The following STUB1 variants were observed in gnomAD, a reference collection of about 807,000 sequenced individuals.
STUB1 encodes STIP1 homology and U-box containing protein 1.
In STUB1, 37 loss-of-function variants were observed where a neutral mutation model predicts 40.3. The ratio of observed to expected loss-of-function variants is 0.92; its 90% CI spans 0.71 to 1.21. STUB1 has a LOEUF of 1.21. Among genes scored for constraint, STUB1 ranks in the 50% most tolerant of loss-of-function variants. STUB1 has a pLI of 0.00. For missense variants in STUB1, 460 were observed against 421.9 expected (o/e 1.09, Z -0.79); for synonymous variants, 246 against 171.9 (o/e 1.43, Z -3.37).
In STUB1 at chr16:682,731, A is replaced by T; in HGVS notation, c.*242A>T. On this transcript the variant is annotated 3_prime_UTR_variant, in exon 7 of 7. Coordinates refer to ENST00000219548, the MANE Select transcript of STUB1 (RefSeq NM_005861.4). ...CATTGCCGCCACTATCTGTGTAATA[A>T]AATCCGTGAGCACGAGGTGGGACGT... 6.4e-7 allele frequency: 1 copy of T among 1,574,568 alleles called. No homozygotes were observed. Among genetic ancestry groups the T allele is most frequent in the Non-Finnish European group, 8.7e-7 (1 of 1,152,106 alleles).
In STUB1 at chr16:682,326, G is replaced by A. The variant is rs368200174; in HGVS notation, c.787-38G>A. The A allele has an allele frequency of 4.7e-5, 76 of 1,612,798 alleles. No individual in the cohort carries two copies. The African/African-American group carries it at 8.0e-4, about 17-fold the overall frequency. ...GAGCAGGGCCAGTGGCATGGTCCTGGGCCCCATGACTGCCCTCTGCCCTTC... is the reference window on the plus strand; with the variant it reads ...GAGCAGGGCCAGTGGCATGGTCCTGAGCCCCATGACTGCCCTCTGCCCTTC... On this transcript the variant is annotated intron_variant, in intron 6 of 6. Transcript: ENST00000219548.
At position 680,732 on chromosome 16, in the gene STUB1, G is replaced by GCCGGGC. The variant is rs997257833; in HGVS notation, c.159+59_159+64dup. On this transcript the variant is annotated intron_variant, in intron 1 of 6. Coordinates refer to ENST00000219548, the MANE Select transcript of STUB1 (RefSeq NM_005861.4). The surrounding 1 kb of genome is among the most constrained non-coding windows in gnomAD (Gnocchi z 4.9). ...GGCGGCGGCGGTGGCACCGGGGAGG[G>GCCGGGC]CCGGGCCCGGGCCCGGCCGGCCCCA... The GCCGGGC allele has an allele frequency of 7.6e-4, 908 of 1,189,332 alleles. No homozygotes were observed. Among genetic ancestry groups the GCCGGGC allele is most frequent in the Non-Finnish European group, 8.3e-4 (791 of 958,764 alleles). 73.7% of individuals were successfully genotyped at this position (1,189,332 alleles called of 1,614,324 possible). A position where few individuals can be genotyped will look rare whatever the true frequency, so the allele number is the denominator to read the frequency against.
chr16:681,802 A>G lies in STUB1; in HGVS notation c.534A>G (p.Glu178=). ...CCTGGTCAACCCCCAGGGAGCTGGA[A>G]GAGTGCCAGCGAAACCACGAGGGTG... The part of the protein sequence containing the change: ...LIAAEREREL[E]ECQRNHEGDE... Residue 178 remains glutamate (E), a synonymous_variant, in exon 4 of 7, where the codon GAA becomes GAG. Transcript: ENST00000219548. The G allele has an allele frequency of 6.3e-7, 1 of 1,599,804 alleles. No homozygotes were observed. The highest frequency in any genetic ancestry group is 8.5e-7 in the Non-Finnish European group (1 of 1,170,296).
Position 682,371 on chromosome 16 carries a change from G to A in STUB1, c.794G>A (p.Gly265Asp). The change falls in exon 7 of 7, where the codon GGT becomes GAT. Residue 265 changes from glycine (G) to aspartate (D), a missense_variant. Physicochemically the swap from Gly to Asp is moderately conservative, Grantham distance 94. Coordinates refer to ENST00000219548, the MANE Select transcript of STUB1 (RefSeq NM_005861.4). ...CCCTTCTTGTCACTGCAGCGTGTGG[G>A]TCATTTTGACCCCGTGACCCGGAGC... ...KDIEEHLQRV[G>D]HFDPVTRSPL... is the part of the protein sequence containing the mutation. 6.2e-7 allele frequency: 1 copy of A among 1,613,184 alleles called. No homozygotes were observed. Among genetic ancestry groups the A allele is most frequent in the Non-Finnish European group, 8.5e-7 (1 of 1,179,980 alleles).
intron 3 of STUB1, 66 bp downstream of exon 3, chr16:681,669 C>A: frequency 1.3e-6 from 2 of 1,565,106 alleles, no homozygotes; most frequent in Non-Finnish European, 8.7e-7. Flanking sequence ...CCGACACAAG[C>A]GTTTATCGAA....
At chr16:681,663 C>A (rs943008539) in intron 3 of STUB1, 60 bp downstream of exon 3, 6 of 1,569,252 alleles carry the variant, frequency 3.8e-6, no homozygotes, top group East Asian at 2.3e-5. Context: ...CGACTCCCGA[C>A]ACAAGCGTTT....
At chr16:681,976 G>T in intron 4 of STUB1, 44 bp from the exon 5 acceptor site, 4 of 1,612,456 alleles carry the variant, frequency 2.5e-6, no homozygotes, top group Non-Finnish European at 3.4e-6. Flanking sequence ...ATGGAGGAGG[G>T]AGGTGGGGTG....
Position 682,716 on chromosome 16 carries a change from A to G in STUB1, c.*227A>G. The G allele has an allele frequency of 6.5e-7, 1 of 1,530,672 alleles. No homozygotes were observed. The highest frequency in any genetic ancestry group is 1.2e-5 in the South Asian group (1 of 85,354). 94.8% of individuals were successfully genotyped at this position (1,530,672 alleles called of 1,614,324 possible). On this transcript the variant is annotated 3_prime_UTR_variant, in exon 7 of 7. Coordinates refer to ENST00000219548, the MANE Select transcript of STUB1 (RefSeq NM_005861.4). Reference sequence around the variant, plus strand: ...GGGCTGGGCTGAGGCCATTGCCGCCACTATCTGTGTAATAAAATCCGTGAG... The same window carrying G: ...GGGCTGGGCTGAGGCCATTGCCGCCGCTATCTGTGTAATAAAATCCGTGAG...
Position 682,258 on chromosome 16 carries a change from A to C in STUB1, c.763A>C (p.Lys255Gln). The change falls in exon 6 of 7, where the codon AAG becomes CAG. Residue 255 changes from lysine to glutamine, a missense_variant. Lys to Gln is a moderately conservative substitution (Grantham distance 53). Coordinates refer to ENST00000219548, the MANE Select transcript of STUB1 (RefSeq NM_005861.4). The stretch of plus-strand genomic sequence containing the variant: ...GCCCAGTGGCATCACCTACGACCGC[A>C]AGGACATCGAGGAGCACCTGCAGGT... ...ITPSGITYDR[K>Q]DIEEHLQRVG... 1 of 1,610,218 alleles carries C rather than the reference A, an allele frequency of 6.2e-7. No homozygotes were observed.
rs999893623 is a variant in STUB1, at chr16:680,878, G to T, written c.159+194G>T. The T allele has an allele frequency of 6.5e-5, 39 of 599,032 alleles. No homozygotes were observed. The highest frequency in any genetic ancestry group is 1.7e-4 in the African/African-American group (9 of 52,128). 37.1% of individuals were successfully genotyped at this position (599,032 alleles called of 1,614,324 possible). On this transcript the variant is annotated intron_variant, in intron 1 of 6. Coordinates refer to ENST00000219548, the MANE Select transcript of STUB1 (RefSeq NM_005861.4). The surrounding 1 kb of genome is among the most constrained non-coding windows in gnomAD (Gnocchi z 4.9). ...GATGCTGGATGGAGGCCGGCCGGGT[G>T]GGGGGAGGGCAGGGGCCCTCGACCC...
At chr16:681,380 C>T in intron 2 of STUB1, 30 bp downstream of exon 2, 2 of 1,611,512 alleles carry the variant, frequency 1.2e-6, no homozygotes, top group Non-Finnish European at 1.7e-6. Flanking sequence ...GGTTGTGGGG[C>T]CTCTGGGGCC....
At position 681,335 on chromosome 16, in the gene STUB1, G is replaced by C. The variant is rs1198150405; in HGVS notation, c.343G>C (p.Ala115Pro). 6.8e-6 allele frequency: 11 copies of C among 1,612,730 alleles called. No homozygotes were observed. The highest frequency in any genetic ancestry group is 8.5e-6 in the Non-Finnish European group (10 of 1,179,946). The change falls in exon 2 of 7, where the codon GCC becomes CCC. Residue 115 changes from alanine to proline, a missense_variant. Coordinates refer to ENST00000219548, the MANE Select transcript of STUB1 (RefSeq NM_005861.4). ...GATGGAGAGCTATGATGAGGCCATC[G>C]CCAATCTGCAGCGAGGTTGGCTGAC... ...LEMESYDEAI[A>P]NLQRAYSLAK...
intron 4 of STUB1, 59 bp from the exon 5 acceptor site, chr16:681,961 G>A: frequency 6.2e-7 from 1 of 1,612,582 alleles, no homozygotes. Flanking sequence ...TTGGGTCTGT[G>A]CCCCATGGAG....
In STUB1 at chr16:680,898, C is replaced by A. The variant is rs111584981; in HGVS notation, c.159+214C>A. The A allele has an allele frequency of 1.8e-5, 11 of 617,618 alleles. No individual in the cohort carries two copies. In the African/African-American group the frequency reaches 1.9e-4, roughly 11 times the overall value. 38.3% of individuals were successfully genotyped at this position (617,618 alleles called of 1,614,324 possible). On this transcript the variant is annotated intron_variant, in intron 1 of 6. Transcript: ENST00000219548. This position sits in a 1 kb window ranked among gnomAD's most constrained non-coding sequence, Gnocchi z 4.9. ...CGGGTGGGGGGAGGGCAGGGGCCCTCGACCCTTGAGGACCCCAGGTCCTAA... is the reference window on the plus strand; with the variant it reads ...CGGGTGGGGGGAGGGCAGGGGCCCTAGACCCTTGAGGACCCCAGGTCCTAA...
At position 680,598 on chromosome 16, in the gene STUB1, A is replaced by G; in HGVS notation, c.73A>G (p.Ser25Gly). Reference sequence around the variant, plus strand: ...CGGCGGAAGCCCCGAGAAGAGCCCGAGCGCGCAGGAGCTCAAGGAGCAGGG... The same window carrying G: ...CGGCGGAAGCCCCGAGAAGAGCCCGGGCGCGCAGGAGCTCAAGGAGCAGGG... ...AGGGSPEKSP[S>G]AQELKEQGNR... The change falls in exon 1 of 7, where the codon AGC becomes GGC. Residue 25 changes from serine (S) to glycine (G), a missense_variant. Physicochemically the swap from Ser to Gly is moderately conservative, Grantham distance 56. Coordinates refer to ENST00000219548, the MANE Select transcript of STUB1 (RefSeq NM_005861.4). The surrounding 1 kb of genome is among the most constrained non-coding windows in gnomAD (Gnocchi z 4.9). 2 of 1,403,764 alleles carry G rather than the reference A, an allele frequency of 1.4e-6. No individual in the cohort carries two copies. The highest frequency in any genetic ancestry group is 1.6e-5 in the South Asian group (1 of 63,944). The allele number at this position is 1,403,764 out of a possible 1,614,324, so 87.0% of individuals were successfully genotyped here. A position where few individuals can be genotyped will look rare whatever the true frequency, so the allele number is the denominator to read the frequency against.
At position 682,275 on chromosome 16, in the gene STUB1, C is replaced by T; in HGVS notation, c.780C>T (p.His260=). 1.9e-6 allele frequency: 3 copies of T among 1,579,866 alleles called. No homozygotes were observed. The highest frequency in any genetic ancestry group is 2.6e-6 in the Non-Finnish European group (3 of 1,171,978). ...ACGACCGCAAGGACATCGAGGAGCACCTGCAGGTGAGGCCTGCGGCTGGGG... is the reference window on the plus strand; with the variant it reads ...ACGACCGCAAGGACATCGAGGAGCATCTGCAGGTGAGGCCTGCGGCTGGGG... ...ITYDRKDIEE[H]LQRVGHFDPV... is the part of the protein sequence containing the mutation. The change falls in exon 6 of 7, where the codon CAC becomes CAT. Residue 260 remains histidine (H), a synonymous_variant. Transcript: ENST00000219548.
chr16:681,966 A>G, intron 4 of STUB1, 54 bp from the exon 5 acceptor site: 2 of 1,612,506 alleles, frequency 1.2e-6, no homozygotes, highest in Non-Finnish European at 1.7e-6. Context: ...TCTGTGCCCC[A>G]TGGAGGAGGG....
At position 682,737 on chromosome 16, in the gene STUB1, G is replaced by A. The variant is rs1203424762; in HGVS notation, c.*248G>A. On this transcript the variant is annotated 3_prime_UTR_variant, in exon 7 of 7. Coordinates refer to ENST00000219548, the MANE Select transcript of STUB1 (RefSeq NM_005861.4). Reference sequence around the variant, plus strand: ...CGCCACTATCTGTGTAATAAAATCCGTGAGCACGAGGTGGGACGTGCTGGT... The same window carrying A: ...CGCCACTATCTGTGTAATAAAATCCATGAGCACGAGGTGGGACGTGCTGGT... 6.3e-6 allele frequency: 10 copies of A among 1,578,788 alleles called. No individual in the cohort carries two copies. Among genetic ancestry groups the A allele is most frequent in the Admixed American group, 3.4e-5 (2 of 58,082 alleles).
At position 681,832 on chromosome 16, in the gene STUB1, G is replaced by T. The variant is rs769735565; in HGVS notation, c.564G>T (p.Glu188Asp). 6.2e-7 allele frequency: 1 copy of T among 1,610,208 alleles called. No homozygotes were observed. Among genetic ancestry groups the T allele is most frequent in the South Asian group, 1.1e-5 (1 of 90,918 alleles). The change falls in exon 4 of 7, where the codon GAG (glutamate) becomes GAT (aspartate). Residue 188 changes from glutamate to aspartate, a missense_variant. Glu to Asp is a conservative substitution (Grantham distance 45, BLOSUM62 2). Coordinates refer to ENST00000219548, the MANE Select transcript of STUB1 (RefSeq NM_005861.4). Reference sequence around the variant, plus strand: ...GCCAGCGAAACCACGAGGGTGATGAGGACGACAGCCACGTCCGGGCCCAGC... The same window carrying T: ...GCCAGCGAAACCACGAGGGTGATGATGACGACAGCCACGTCCGGGCCCAGC... ...EECQRNHEGD[E>D]DDSHVRAQQA... is the part of the protein sequence containing the mutation.
Sources: allele counts gnomAD v4.1 joint callset, GRCh38; gene constraint gnomAD v4.1.1; non-coding constraint Gnocchi (gnomAD v3.1); transcripts MANE v1.5; gene names NCBI Gene and HGNC (gene_info 2026-07-23, HGNC 2026-07-21).